SEMA6D: variants seen among roughly 807,000 people sequenced by gnomAD.
SEMA6D encodes the protein semaphorin-6D.
SEMA6D carries 35 observed loss-of-function variants against 106.6 expected under a neutral mutation model. The ratio of observed to expected loss-of-function variants is 0.33; its 90% CI spans 0.25 to 0.44. SEMA6D has a LOEUF of 0.44. SEMA6D is among the 20% of genes least tolerant of loss of function. The pLI is 1.00. For synonymous variants in SEMA6D, 499 were observed against 487.7 expected, an observed-to-expected ratio of 1.02 and a Z score of -0.31; for missense variants, 1,185 against 1,345.9, an observed-to-expected ratio of 0.88 and a Z score of 1.87.
rs11435743 is a variant in SEMA6D at position 47,754,953 on chromosome 15, A to ATTT, written c.-54-4778_-54-4776dup. Among the ~76,000 whole-genome samples the ATTT allele has an allele frequency of 3.1e-3, 416 of 136,358 alleles. 2 individuals carry two copies. Among genetic ancestry groups the ATTT allele is most frequent in the African/African-American group, 0.011 (408 of 36,916 alleles). The allele number at this position is 136,358 out of a possible 152,430, so 89.5% of individuals were successfully genotyped here. On this transcript the variant is annotated intron_variant, in intron 1 of 18. Transcript: ENST00000536845. ...TATTTATTGTGCTTTTTTGTTGTTG[A>ATTT]TTTTTTTTTTTTTTTTGAGATGGAG...
intron 2 of SEMA6D, among the ~76,000 whole-genome samples, chr15:47,468,876 C>A (rs1596075180): frequency 6.6e-6 from 1 of 152,206 alleles, no homozygotes; most frequent in African/African-American, 2.4e-5. Context: ...GGAAGCCATT[C>A]AGAATGATTT....
chr15:47,290,770 A>T (rs1053319322), intron 1 of SEMA6D, among the ~76,000 whole-genome samples: 11 of 152,236 alleles, frequency 7.2e-5, no homozygotes, highest in African/African-American at 2.4e-4. Flanking sequence ...ACACTTTGTT[A>T]GTCTTCTCTC....
At chr15:47,557,792 C>T (rs2045957101) in intron 3 of SEMA6D, among the ~76,000 whole-genome samples, 2 of 152,076 alleles carry the variant, frequency 1.3e-5, no homozygotes, top group South Asian at 2.1e-4. Context: ...AAAGGGAAAG[C>T]GTTGGTTGTT....
intron 1 of SEMA6D, among the ~76,000 whole-genome samples, chr15:47,301,228 A>G (rs1457667652): frequency 2.6e-5 from 4 of 152,212 alleles, no homozygotes; most frequent in African/African-American, 9.6e-5. Context: ...TGGCTCCATG[A>G]TTCAAGTCAG....
At chr15:47,235,883 T>C (rs11858146) in intron 1 of SEMA6D, among the ~76,000 whole-genome samples, 66,362 of 151,866 alleles carry the variant, frequency 0.44, 16,602 homozygotes, top group Non-Finnish European at 0.56. Context: ...GCCTTTTGAG[T>C]GGATCTTCCA....
At chr15:47,273,050 G>A (rs182041881) in intron 1 of SEMA6D, among the ~76,000 whole-genome samples, 2 of 151,978 alleles carry the variant, frequency 1.3e-5, no homozygotes, top group African/African-American at 4.8e-5. Flanking sequence ...TTCTTTACTC[G>A]CCTGTAAGGT....
intron 1 of SEMA6D, among the ~76,000 whole-genome samples, chr15:47,261,041 T>G (rs1320873362): frequency 2.0e-5 from 3 of 152,136 alleles, no homozygotes; most frequent in African/African-American, 7.2e-5. Flanking sequence ...GAGTTATCCT[T>G]TGGAGGCCTC....
At chr15:47,433,484 AT>A (rs1421991695) in intron 2 of SEMA6D, among the ~76,000 whole-genome samples, 1 of 152,068 alleles carries the variant, frequency 6.6e-6, no homozygotes, top group African/African-American at 2.4e-5. Flanking sequence ...CTAAACTATG[AT>A]TTTGCTTCAA....
chr15:47,730,177 C>T (rs2146639304), intron 1 of SEMA6D: 1 of 1,530,926 alleles, frequency 6.5e-7, no homozygotes, highest in Non-Finnish European at 8.9e-7. Context: ...TAGCCTTTGC[C>T]TTTTCGAGCT....
chr15:47,283,641 G>T (rs1444781750), intron 1 of SEMA6D, among the ~76,000 whole-genome samples: 6 of 152,164 alleles, frequency 3.9e-5, no homozygotes, highest in African/African-American at 1.4e-4. Flanking sequence ...GCTGAGGCTC[G>T]GGTTGTTGCC....
intron 3 of SEMA6D, chr15:47,527,658 T>C (rs989752453): frequency 4.6e-5 from 7 of 152,226 alleles, no homozygotes; most frequent in African/African-American, 1.7e-4. Flanking sequence ...TCTGTTTTCT[T>C]TAGGGCATTT....
intron 4 of SEMA6D, among the ~76,000 whole-genome samples, chr15:47,710,225 A>G (rs1360133061): frequency 6.6e-6 from 1 of 152,216 alleles, no homozygotes; most frequent in Non-Finnish European, 1.5e-5. Flanking sequence ...CTGAATGCTC[A>G]CCTATCTCAA....
At chr15:47,514,172 G>C (rs1410939507) in intron 3 of SEMA6D, among the ~76,000 whole-genome samples, 1 of 152,200 alleles carries the variant, frequency 6.6e-6, no homozygotes, top group East Asian at 1.9e-4. Context: ...AGCAAAATTT[G>C]AGAAAGAATT....
intron 4 of SEMA6D, among the ~76,000 whole-genome samples, chr15:47,635,315 G>T (rs1009878278): frequency 1.3e-5 from 2 of 152,168 alleles, no homozygotes; most frequent in Non-Finnish European, 2.9e-5. Context: ...CTGTTGCCTA[G>T]TACCTGGCCT....
At position 47,232,970 on chromosome 15, in the gene SEMA6D, G is replaced by T. The variant is rs2032305924; in HGVS notation, c.-239+48552G>T. Among the ~76,000 whole-genome samples the T allele has an allele frequency of 2.6e-5, 4 of 151,924 alleles. No homozygotes were observed. In the South Asian group the frequency reaches 8.3e-4, roughly 31 times the overall value. ...TGAAGTTAAACTTGGTAATGTTTTT[G>T]TTTGCTGATTGTATGTTTGGTGTCA... On this transcript the variant is annotated intron_variant, in intron 1 of 19. Transcript: ENST00000558014.
At chr15:47,621,841 G>A (rs776596851) in intron 4 of SEMA6D, among the ~76,000 whole-genome samples, 2 of 152,112 alleles carry the variant, frequency 1.3e-5, no homozygotes, top group South Asian at 2.1e-4. Flanking sequence ...AGCTACCAAG[G>A]TAGTACATAT....
At chr15:47,600,202 C>A (rs1566924040) in intron 3 of SEMA6D, among the ~76,000 whole-genome samples, 1 of 152,142 alleles carries the variant, frequency 6.6e-6, no homozygotes, top group Non-Finnish European at 1.5e-5. Context: ...TCAGCAATAG[C>A]TTTTGCACAG....
At chr15:47,722,744 T>C (rs552118720) in intron 1 of SEMA6D, among the ~76,000 whole-genome samples, 1 of 152,272 alleles carries the variant, frequency 6.6e-6, no homozygotes, top group South Asian at 2.1e-4. Flanking sequence ...AGGATGATGG[T>C]GATGATGATG....
chr15:47,519,020 T>C (rs146265281), intron 3 of SEMA6D, among the ~76,000 whole-genome samples: 39 of 152,064 alleles, frequency 2.6e-4, no homozygotes, highest in African/African-American at 9.4e-4. Context: ...AGGACAGGAA[T>C]TTGAAACCAG....
Sources: allele counts gnomAD v4.1 joint callset (sites outside exome capture counted in the v4.1 genomes callset), GRCh38; gene constraint gnomAD v4.1.1; transcripts MANE v1.5; gene names NCBI Gene and HGNC (gene_info 2026-07-23, HGNC 2026-07-21).